REL: variants seen among roughly 807,000 people sequenced by gnomAD.
REL encodes the protein proto-oncogene c-Rel.
Under a neutral mutation model 45.9 loss-of-function variants are expected in REL, and 15 were observed. The ratio of observed to expected loss-of-function variants is 0.33; its 90% confidence interval spans 0.22 to 0.50. REL has a LOEUF of 0.50. Among genes scored for constraint, REL ranks in the 20% least tolerant of loss-of-function variants. The pLI, the probability that REL is intolerant of heterozygous loss-of-function variation, is 0.98. For missense variants in REL, 601 were observed against 715.2 expected (o/e 0.84, Z 1.82); for synonymous variants, 239 against 242.1 (o/e 0.99, Z 0.12).
chr2:60,926,059 A>G lies in REL; in HGVS notation c.*3524A>G. 4.3e-6 allele frequency: 1 copy of G among 230,014 alleles called. No homozygotes were observed. The highest frequency in any genetic ancestry group is 8.6e-6 in the Non-Finnish European group (1 of 115,786). 14.2% of individuals were successfully genotyped at this position (230,014 alleles called of 1,614,324 possible). Reference sequence around the variant, plus strand: ...TTCTCCTCTGTCTCTACATATATTCATGCTTTCACCTGCTCTTTTAACACC... The same window carrying G: ...TTCTCCTCTGTCTCTACATATATTCGTGCTTTCACCTGCTCTTTTAACACC... On this transcript the variant is annotated 3_prime_UTR_variant, in exon 10 of 10. Transcript: ENST00000394479.
rs1436558003 is a variant in REL, at chr2:60,929,367, C to G, written c.*6832C>G. 1.5e-5 allele frequency: 2 copies of G among 137,538 alleles called. No individual in the cohort carries two copies. Among genetic ancestry groups the G allele is most frequent in the Admixed American group, 7.3e-5 (1 of 13,756 alleles). 8.5% of individuals were successfully genotyped at this position (137,538 alleles called of 1,614,324 possible). A position where few individuals can be genotyped will look rare whatever the true frequency, so the allele number is the denominator to read the frequency against. On this transcript the variant is annotated 3_prime_UTR_variant, in exon 10 of 10. Transcript: ENST00000394479. Reference sequence around the variant, plus strand: ...AATCATGCTGCTATAAAGACACATGCACACGTATGTTTATTGCGGCATTAT... The same window carrying G: ...AATCATGCTGCTATAAAGACACATGGACACGTATGTTTATTGCGGCATTAT...
In REL at chr2:60,894,379, A is replaced by G; in HGVS notation, c.154-18A>G. On this transcript the variant is annotated intron_variant, in intron 2 of 9. Coordinates refer to ENST00000394479, the MANE Select transcript of REL (RefSeq NM_001291746.2). ...GCAGTCTATTTGGATCATGTATTTA[A>G]TTTCCCCCTTTTTTCAGATTATGAA... 4 of 1,429,582 alleles carry G rather than the reference A, an allele frequency of 2.8e-6. No individual in the cohort carries two copies. Among genetic ancestry groups the G allele is most frequent in the Non-Finnish European group, 3.8e-6 (4 of 1,053,828 alleles). 88.6% of individuals were successfully genotyped at this position (1,429,582 alleles called of 1,614,324 possible).
rs1199312244 is a variant in REL, at chr2:60,922,818, TG to T, written c.*285del. Reference sequence around the variant, plus strand: ...TAGCACTTTGGGAGGCCAAGGCGGGTGGATCACTTGAGACCAGGAATTCGAG... The same window carrying T: ...TAGCACTTTGGGAGGCCAAGGCGGGTGATCACTTGAGACCAGGAATTCGAG... On this transcript the variant is annotated 3_prime_UTR_variant, in exon 10 of 10. Transcript: ENST00000394479. 4.3e-5 allele frequency: 34 copies of T among 795,596 alleles called. No homozygotes were observed. The highest frequency in any genetic ancestry group is 5.0e-5 in the Non-Finnish European group (32 of 642,356). The allele number at this position is 795,596 out of a possible 1,614,324, so 49.3% of individuals were successfully genotyped here.
chr2:60,901,856 A>G (rs1217152974), intron 4 of REL, among the ~76,000 whole-genome samples: 1 of 152,214 alleles, frequency 6.6e-6, no homozygotes, highest in Non-Finnish European at 1.5e-5. Flanking sequence ...ATTTGTGTAT[A>G]TGACTAGATA....
chr2:60,922,427 T>G lies in REL; in HGVS notation c.1656T>G (p.Thr552=), dbSNP rs751888284. The stretch of plus-strand genomic sequence containing the variant: ...ATGAGTCGGGACCATCAAACAGTAC[T>G]AATCCAAACAGTCATGGTTTTGTTC... ...MINESGPSNS[T]NPNSHGFVQD... Residue 552 remains threonine, a synonymous_variant, in exon 10 of 10, where the codon ACT becomes ACG. Transcript: ENST00000394479. The G allele has an allele frequency of 1.2e-6, 2 of 1,613,926 alleles. No homozygotes were observed. The highest frequency in any genetic ancestry group is 2.7e-5 in the African/African-American group (2 of 74,926).
intron 4 of REL, among the ~76,000 whole-genome samples, chr2:60,905,058 C>G (rs1267762984): frequency 1.3e-5 from 2 of 152,042 alleles, no homozygotes; most frequent in African/African-American, 4.8e-5. Context: ...CCAGTTAATC[C>G]TTCCCACTAT....
At chr2:60,905,896 A>G (rs192825829) in intron 4 of REL, among the ~76,000 whole-genome samples, 182 of 152,246 alleles carry the variant, frequency 1.2e-3, no homozygotes, top group African/African-American at 4.2e-3. Context: ...ATATACATAC[A>G]CCACACCCTT....
rs1674276683 is a variant in REL, at chr2:60,926,696, T to C, written c.*4161T>C. On this transcript the variant is annotated 3_prime_UTR_variant, in exon 10 of 10. Coordinates refer to ENST00000394479, the MANE Select transcript of REL (RefSeq NM_001291746.2). Reference sequence around the variant, plus strand: ...CTCTTCTTTACCTTCCATAATGGCATTACCATTTACCACGCCACCCAAGAT... The same window carrying C: ...CTCTTCTTTACCTTCCATAATGGCACTACCATTTACCACGCCACCCAAGAT... 4.4e-6 allele frequency: 1 copy of C among 227,940 alleles called. No individual in the cohort carries two copies. The highest frequency in any genetic ancestry group is 8.7e-6 in the Non-Finnish European group (1 of 114,714). 14.1% of individuals were successfully genotyped at this position (227,940 alleles called of 1,614,324 possible).
At chr2:60,901,999 G>A (rs1673511183) in intron 4 of REL, among the ~76,000 whole-genome samples, 1 of 151,998 alleles carries the variant, frequency 6.6e-6, no homozygotes, top group African/African-American at 2.4e-5. Flanking sequence ...ACTCTGTATT[G>A]TTTGAATAGA....
At chr2:60,885,549 A>T (rs1673051761) in intron 1 of REL, among the ~76,000 whole-genome samples, 1 of 152,068 alleles carries the variant, frequency 6.6e-6, no homozygotes, top group South Asian at 2.1e-4. Flanking sequence ...CCTTTCTTTG[A>T]TTCTTAAGGC....
chr2:60,900,054 G>A (rs964052685), intron 3 of REL: 114 of 152,290 alleles, frequency 7.5e-4, no homozygotes, highest in African/African-American at 2.6e-3. Context: ...TGTGGATCAA[G>A]TGTAGGAGGA....
chr2:60,894,754 G>A (rs879452835), intron 3 of REL, among the ~76,000 whole-genome samples: 3 of 151,424 alleles, frequency 2.0e-5, no homozygotes, highest in African/African-American at 4.9e-5. Context: ...TTAGCAGGAA[G>A]ACATTTTTAT....
At chr2:60,920,180 T>G (rs1674099403) in intron 8 of REL, 71 bp downstream of exon 8, 3 of 1,193,124 alleles carry the variant, frequency 2.5e-6, no homozygotes, top group Non-Finnish European at 3.6e-6. Context: ...TTTTTCAAAT[T>G]TTATTATTTT....
chr2:60,906,893 G>GTATATA (rs1355849482), intron 4 of REL, among the ~76,000 whole-genome samples: 166 of 121,380 alleles, frequency 1.4e-3, no homozygotes, highest in African/African-American at 3.9e-3. Flanking sequence ...GTGTGTGTGT[G>GTATATA]TATATATATA....
At chr2:60,894,795 A>G (rs72887230) in intron 3 of REL, among the ~76,000 whole-genome samples, 1,679 of 149,810 alleles carry the variant, frequency 0.011, 47 homozygotes, top group African/African-American at 0.038. Context: ...AACTTCTTGT[A>G]TACTGTGATT....
chr2:60,917,038 T>C (rs1386676078), intron 5 of REL, 21 bp downstream of exon 5: 8 of 1,591,694 alleles, frequency 5.0e-6, no homozygotes, highest in Non-Finnish European at 6.0e-6. Context: ...CATTTTCTTA[T>C]ATTTGTAGTC....
chr2:60,882,196 G>A (rs1672958250), intron 1 of REL, among the ~76,000 whole-genome samples: 1 of 152,128 alleles, frequency 6.6e-6, no homozygotes, highest in Non-Finnish European at 1.5e-5. Context: ...TTTTAGAACA[G>A]GAATGAGGAA....
chr2:60,900,742 G>A, intron 3 of REL: 1 of 373,094 alleles, frequency 2.7e-6, no homozygotes, highest in Non-Finnish European at 4.8e-6. Flanking sequence ...AGGCTGGTCT[G>A]GAACTCCTGA....
At chr2:60,919,991 G>T in intron 7 of REL, 50 bp from the exon 8 acceptor site, 1 of 1,155,500 alleles carries the variant, frequency 8.7e-7, no homozygotes, top group Non-Finnish European at 1.3e-6. Context: ...TAAAGGAGAG[G>T]ATACAATCCT....
Sources: gnomAD v4.1 joint callset for allele counts (sites outside exome capture counted in the v4.1 genomes callset) on GRCh38, gnomAD v4.1.1 for gene constraint, MANE v1.5 for transcripts, NCBI Gene and HGNC (gene_info 2026-07-23, HGNC 2026-07-21) for gene names.